IQCM: variants seen among roughly 807,000 people sequenced by gnomAD.
IQCM encodes the protein IQ motif containing M, also known as IQ domain-containing protein M.
In IQCM, 45 loss-of-function variants were observed where a neutral mutation model predicts 57.6. That is an observed-to-expected ratio of 0.78 (90% confidence interval 0.62 to 1.00). IQCM has a LOEUF of 1.00. Ranked by LOEUF, IQCM falls within the 50% of genes least tolerant of loss-of-function variation. IQCM has a pLI of 0.00. For missense variants in IQCM, 468 were observed against 511.6 expected, an observed-to-expected ratio of 0.91 and a Z score of 0.82; for synonymous variants, 148 against 158.9, an observed-to-expected ratio of 0.93 and a Z score of 0.51.
At chr4:149,807,016 C>CA (rs1394480692) in intron 2 of IQCM, among the ~76,000 whole-genome samples, 3 of 151,288 alleles carry the variant, frequency 2.0e-5, no homozygotes, top group Non-Finnish European at 3.0e-5. Flanking sequence ...GAAGAGGACA[C>CA]AAAAAAATGG....
Position 149,454,659 on chromosome 4 carries a change from A to C in IQCM, c.1229-21102T>G, listed in dbSNP as rs140583111. 1.3e-4 allele frequency among the ~76,000 whole-genome samples: 20 copies of C among 152,182 alleles called. No homozygotes were observed. The East Asian group carries it at 1.9e-3, about 15-fold the overall frequency. ...AAATGTGGTTCATCCATACACTGGAATATTATTTGGTAATAAAAAACAGTG... is the reference window on the plus strand; with the variant it reads ...AAATGTGGTTCATCCATACACTGGACTATTATTTGGTAATAAAAAACAGTG... On this transcript the variant is annotated intron_variant, in intron 12 of 13. Transcript: ENST00000636793.
chr4:149,443,716 AAG>A (rs1736211220), intron 12 of IQCM, among the ~76,000 whole-genome samples: 1 of 150,432 alleles, frequency 6.6e-6, no homozygotes, highest in African/African-American at 2.4e-5. Context: ...AAGGAAAGGA[AAG>A]GAAAGGAAAG....
chr4:149,655,016 T>G (rs1189461659), intron 7 of IQCM, among the ~76,000 whole-genome samples: 1 of 152,188 alleles, frequency 6.6e-6, no homozygotes, highest in East Asian at 1.9e-4. Context: ...AATTTTAAGT[T>G]ATAAGTGTGT....
chr4:149,520,698 C>T (rs1361230269), intron 12 of IQCM, among the ~76,000 whole-genome samples: 2 of 152,142 alleles, frequency 1.3e-5, no homozygotes, highest in African/African-American at 2.4e-5. Context: ...AAAATGCAGT[C>T]TCATTAGCTT....
intron 12 of IQCM, among the ~76,000 whole-genome samples, chr4:149,440,273 G>A (rs1370513415): frequency 2.6e-5 from 4 of 151,568 alleles, no homozygotes; most frequent in African/African-American, 9.7e-5. Flanking sequence ...AGCAAGTGTA[G>A]CTATTCTTAA....
chr4:149,617,102 T>A (rs1039643914), intron 8 of IQCM, among the ~76,000 whole-genome samples: 1 of 151,962 alleles, frequency 6.6e-6, no homozygotes, highest in African/African-American at 2.4e-5. Flanking sequence ...ATTACAGGCA[T>A]GTGCCACCAC....
intron 12 of IQCM, among the ~76,000 whole-genome samples, chr4:149,438,387 G>C (rs568335723): frequency 6.6e-6 from 1 of 151,910 alleles, no homozygotes; most frequent in Non-Finnish European, 1.5e-5. Context: ...ATCCTTCATG[G>C]ACTACTAGCC....
chr4:149,726,598 T>A (rs1005078691), intron 5 of IQCM, among the ~76,000 whole-genome samples: 12 of 152,226 alleles, frequency 7.9e-5, no homozygotes, highest in African/African-American at 2.9e-4. Context: ...CTTATCTAAG[T>A]CTATGACTGT....
At chr4:149,398,339 A>G (rs1019269987) in intron 13 of IQCM, among the ~76,000 whole-genome samples, 1 of 151,890 alleles carries the variant, frequency 6.6e-6, no homozygotes, top group African/African-American at 2.4e-5. Flanking sequence ...TTGATTGTTT[A>G]TTTGTGGTCT....
chr4:149,760,796 TTCTTAGTATTTAC>T (rs771695056), intron 2 of IQCM, among the ~76,000 whole-genome samples: 1 of 152,078 alleles, frequency 6.6e-6, no homozygotes, highest in African/African-American at 2.4e-5. Context: ...AGATATTCTC[TTCTTAGTATTTAC>T]TCTTAGTATT....
At chr4:149,425,155 C>T (rs1323227436) in intron 13 of IQCM, among the ~76,000 whole-genome samples, 2 of 151,930 alleles carry the variant, frequency 1.3e-5, no homozygotes, top group Non-Finnish European at 2.9e-5. Context: ...ATGTATAGCT[C>T]TGAGTCTTAT....
At chr4:149,750,754 C>A (rs191206817) in intron 2 of IQCM, among the ~76,000 whole-genome samples, 246 of 152,210 alleles carry the variant, frequency 1.6e-3, no homozygotes, top group Admixed American at 3.0e-3. Flanking sequence ...ATAAAGCATT[C>A]CCCGCTGAGA....
intron 13 of IQCM, among the ~76,000 whole-genome samples, chr4:149,358,988 T>C (rs886621002): frequency 1.6e-5 from 2 of 128,170 alleles, no homozygotes; most frequent in African/African-American, 6.0e-5. Context: ...GAGGGAAAAG[T>C]AAAAAGAAAG....
intron 12 of IQCM, among the ~76,000 whole-genome samples, chr4:149,467,079 C>A (rs369013115): frequency 6.6e-6 from 1 of 152,112 alleles, no homozygotes. Context: ...CAGACCATAG[C>A]ACAAATTTAA....
intron 12 of IQCM, among the ~76,000 whole-genome samples, chr4:149,471,891 T>C (rs998536299): frequency 1.3e-5 from 2 of 152,176 alleles, no homozygotes; most frequent in Non-Finnish European, 2.9e-5. Flanking sequence ...TCTCAATAGA[T>C]GCAGAAAAGG....
At chr4:149,632,381 A>G (rs1757340610) in intron 7 of IQCM, among the ~76,000 whole-genome samples, 1 of 152,246 alleles carries the variant, frequency 6.6e-6, no homozygotes, top group South Asian at 2.1e-4. Context: ...CAGGTTATGT[A>G]TGAGCTACAA....
intron 5 of IQCM, among the ~76,000 whole-genome samples, chr4:149,729,695 AT>A (rs932156901): frequency 6.6e-6 from 1 of 151,490 alleles, no homozygotes; most frequent in East Asian, 1.9e-4. Context: ...GGATGCAGTC[AT>A]TTTTTTTAAT....
At chr4:149,550,699 CT>C (rs1194499545) in intron 11 of IQCM, among the ~76,000 whole-genome samples, 1 of 152,088 alleles carries the variant, frequency 6.6e-6, no homozygotes, top group Non-Finnish European at 1.5e-5. Context: ...TTGAAAGATG[CT>C]TAAAAAGTGT....
rs1173217878 is a variant in IQCM at position 149,376,470 on chromosome 4, G to GT, written c.1391-24405dup. ...CCAAAAACCAGATAGCATTCAATTAGTTTTTTTTAAGGCATTCTTATCACA... is the reference window on the plus strand; with the variant it reads ...CCAAAAACCAGATAGCATTCAATTAGTTTTTTTTTAAGGCATTCTTATCACA... On this transcript the variant is annotated intron_variant, in intron 13 of 13. Coordinates refer to ENST00000636793, the MANE Select transcript of IQCM (RefSeq NM_001363507.2). 1.1e-4 allele frequency among the ~76,000 whole-genome samples: 16 copies of GT among 152,014 alleles called. No individual in the cohort carries two copies. In the South Asian group the frequency reaches 2.9e-3, roughly 28 times the overall value.
Sources: allele counts gnomAD v4.1 joint callset (sites outside exome capture counted in the v4.1 genomes callset), GRCh38; gene constraint gnomAD v4.1.1; transcripts MANE v1.5; gene names NCBI Gene and HGNC (gene_info 2026-07-23, HGNC 2026-07-21).